The following GRIN2B variants were observed in gnomAD, a reference collection of about 807,000 sequenced individuals.
GRIN2B encodes the protein glutamate ionotropic receptor NMDA type subunit 2B, also known as glutamate receptor ionotropic, NMDA 2B.
In GRIN2B, 5 loss-of-function variants were observed where a neutral mutation model predicts 114.5. That is an observed-to-expected ratio of 0.04 (90% CI 0.02 to 0.09). The LOEUF (loss-of-function observed/expected upper bound fraction) is 0.09, where lower values mean the gene tolerates loss of function less well. Ranked by LOEUF, GRIN2B falls within the 10% of genes least tolerant of loss-of-function variation. The probability of loss-of-function intolerance (pLI) is 1.00; values close to 1 mark genes in which losing one functional copy is unlikely to be tolerated. For missense variants in GRIN2B, 1,108 were observed against 1,943.5 expected (o/e 0.57, Z 8.08); for synonymous variants, 787 against 745.1 (o/e 1.06, Z -0.92).
chr12:13,891,256 T>G (rs1487693724), intron 2 of GRIN2B, among the ~76,000 whole-genome samples: 2 of 152,198 alleles, frequency 1.3e-5, no homozygotes, highest in African/African-American at 4.8e-5. Context: ...TCTGGCATTT[T>G]TCTTTTAATG....
chr12:13,574,141 ACACAGTGGCATT>A (rs1948743392), intron 10 of GRIN2B, among the ~76,000 whole-genome samples: 1 of 152,226 alleles, frequency 6.6e-6, no homozygotes, highest in African/African-American at 2.4e-5. Context: ...GCTCCACATC[ACACAGTGGCATT>A]GATAGCTAAC....
At chr12:13,817,576 A>T (rs1864850647) in intron 3 of GRIN2B, among the ~76,000 whole-genome samples, 1 of 152,174 alleles carries the variant, frequency 6.6e-6, no homozygotes, top group Non-Finnish European at 1.5e-5. Flanking sequence ...ATACCTGAGA[A>T]GAACCTGTTG....
intron 10 of GRIN2B, among the ~76,000 whole-genome samples, chr12:13,586,388 T>C (rs1340860440): frequency 6.6e-6 from 1 of 152,212 alleles, no homozygotes; most frequent in African/African-American, 2.4e-5. Flanking sequence ...ATAGTTATTT[T>C]AGGGTTGGTT....
At chr12:13,726,528 C>A (rs1012351105) in intron 4 of GRIN2B, among the ~76,000 whole-genome samples, 2 of 144,516 alleles carry the variant, frequency 1.4e-5, no homozygotes, top group Non-Finnish European at 1.5e-5. Context: ...GAGCGAGACT[C>A]TGTCAAAAAA....
chr12:13,844,271 T>C (rs962298238), intron 3 of GRIN2B, among the ~76,000 whole-genome samples: 1 of 152,240 alleles, frequency 6.6e-6, no homozygotes, highest in Non-Finnish European at 1.5e-5. Flanking sequence ...TCCTTCTCCT[T>C]ATTTTAAAAT....
At chr12:13,888,897 C>T (rs1866211250) in intron 2 of GRIN2B, among the ~76,000 whole-genome samples, 1 of 151,922 alleles carries the variant, frequency 6.6e-6, no homozygotes, top group African/African-American at 2.4e-5. Context: ...TGGGACATTA[C>T]TGTACACTAC....
At chr12:13,754,030 T>C (rs2136629728) in intron 3 of GRIN2B, 115 bp from the exon 4 acceptor site, 2 of 671,744 alleles carry the variant, frequency 3.0e-6, no homozygotes, top group East Asian at 5.4e-5. Flanking sequence ...TATTTTTATA[T>C]AATGCCTTTA....
chr12:13,654,993 C>T (rs1432795660), intron 5 of GRIN2B, among the ~76,000 whole-genome samples: 4 of 152,064 alleles, frequency 2.6e-5, no homozygotes, highest in African/African-American at 7.2e-5. Flanking sequence ...AATATTTCAA[C>T]GGAAGAAATG....
chr12:13,957,053 C>A (rs1002016415), intron 2 of GRIN2B, among the ~76,000 whole-genome samples: 3 of 152,160 alleles, frequency 2.0e-5, no homozygotes, highest in African/African-American at 7.2e-5. Context: ...GATTAAAATT[C>A]AAGTGGAGCA....
chr12:13,840,202 G>A (rs1293779577), intron 3 of GRIN2B, among the ~76,000 whole-genome samples: 2 of 152,130 alleles, frequency 1.3e-5, no homozygotes, highest in African/African-American at 2.4e-5. Flanking sequence ...CATATCACTG[G>A]GGCCAACTTC....
chr12:13,644,025 T>C (rs1014439888), intron 5 of GRIN2B, among the ~76,000 whole-genome samples: 4 of 152,196 alleles, frequency 2.6e-5, no homozygotes, highest in Non-Finnish European at 5.9e-5. Flanking sequence ...TGTTAATATT[T>C]TGACCTCCTT....
chr12:13,547,981 A>ATATATATATATATATATATATATTTT lies in GRIN2B; in HGVS notation c.*14801_*14802insAAAATATATATATATATATATATATA. ...TGTGTATATATATATATATATATAT[A>ATATATATATATATATATATATATTTT]TTTTTTTTTTTTTTCTGAAAGCTAC... is the stretch of plus-strand genomic sequence containing the variant. On this transcript the variant is annotated 3_prime_UTR_variant, in exon 14 of 14. Coordinates refer to ENST00000609686, the MANE Select transcript of GRIN2B (RefSeq NM_000834.5). The ATATATATATATATATATATATATTTT allele has an allele frequency of 8.7e-5, 6 of 68,588 alleles. No homozygotes were observed. The highest frequency in any genetic ancestry group is 2.8e-4 in the African/African-American group (6 of 21,778). 4.2% of individuals were successfully genotyped at this position (68,588 alleles called of 1,614,324 possible).
chr12:13,785,511 A>G (rs1488983282), intron 3 of GRIN2B, among the ~76,000 whole-genome samples: 1 of 152,102 alleles, frequency 6.6e-6, no homozygotes, highest in Non-Finnish European at 1.5e-5. Flanking sequence ...TTTACCAAGC[A>G]TGTCTCCTAC....
intron 10 of GRIN2B, among the ~76,000 whole-genome samples, chr12:13,575,503 A>G (rs1948762456): frequency 6.6e-6 from 1 of 152,000 alleles, no homozygotes; most frequent in African/African-American, 2.4e-5. Context: ...TACCAAAAAT[A>G]TAAAAATTAG....
chr12:13,623,418 G>T (rs912335022), intron 5 of GRIN2B, among the ~76,000 whole-genome samples: 2 of 152,206 alleles, frequency 1.3e-5, no homozygotes, highest in African/African-American at 4.8e-5. Flanking sequence ...TATCAGCAAA[G>T]CACAAGAGCG....
At chr12:13,831,315 G>T (rs915282959) in intron 3 of GRIN2B, among the ~76,000 whole-genome samples, 1 of 152,152 alleles carries the variant, frequency 6.6e-6, no homozygotes, top group African/African-American at 2.4e-5. Flanking sequence ...AAGACAGCAG[G>T]CAAGTTAATT....
chr12:13,938,480 CA>C (rs1867170334), intron 2 of GRIN2B, among the ~76,000 whole-genome samples: 1 of 152,026 alleles, frequency 6.6e-6, no homozygotes, highest in Non-Finnish European at 1.5e-5. Flanking sequence ...TCGTAATAAT[CA>C]AAAACTGGAA....
chr12:13,756,518 C>T (rs1863579341), intron 3 of GRIN2B, among the ~76,000 whole-genome samples: 2 of 152,174 alleles, frequency 1.3e-5, no homozygotes, highest in South Asian at 2.1e-4. Flanking sequence ...TCCTGTCATG[C>T]TTCCAGCTAA....
chr12:13,774,271 T>C (rs979183507), intron 3 of GRIN2B, among the ~76,000 whole-genome samples: 1 of 152,226 alleles, frequency 6.6e-6, no homozygotes, highest in Non-Finnish European at 1.5e-5. Flanking sequence ...TAGAACCACT[T>C]TAGTCTAATT....
Sources: allele counts gnomAD v4.1 joint callset (sites outside exome capture counted in the v4.1 genomes callset), GRCh38; gene constraint gnomAD v4.1.1; transcripts MANE v1.5; gene names NCBI Gene and HGNC (gene_info 2026-07-23, HGNC 2026-07-21).